Variants in CECR2 observed in about 807,000 individuals in gnomAD.
CECR2 encodes chromatin remodeling regulator CECR2.
In CECR2, 30 loss-of-function variants were observed where a neutral mutation model predicts 154.5. That is an observed-to-expected ratio of 0.19 (90% CI 0.15 to 0.26). CECR2 has a LOEUF of 0.26. Ranked by LOEUF, CECR2 falls within the 10% of genes least tolerant of loss-of-function variation. The pLI is 1.00. For missense variants in CECR2, 1,743 were observed against 1,829.3 expected (o/e 0.95, Z 0.86); for synonymous variants, 725 against 683.7 (o/e 1.06, Z -0.94).
chr22:17,385,314 C>T (rs1248355502), intron 1 of CECR2, among the ~76,000 whole-genome samples: 1 of 152,200 alleles, frequency 6.6e-6, no homozygotes, highest in African/African-American at 2.4e-5. Flanking sequence ...TTCAGCACGC[C>T]TTCTTCATGA....
At position 17,542,621 on chromosome 22, in the gene CECR2, A is replaced by G. The variant is rs768824476; in HGVS notation, c.2478A>G (p.Gln826=). Residue 826 remains glutamine, a synonymous_variant, in exon 16 of 19, where the codon CAA becomes CAG. Transcript: ENST00000262608. The stretch of plus-strand genomic sequence containing the variant: ...TCCCCCCCAACCAGTGGACTGAACA[A>G]TCAGGCTTCCTACCTCATGGAGTTC... ...PPVPPNQWTE[Q]SGFLPHGVPS... 18 of 1,613,846 alleles carry G rather than the reference A, an allele frequency of 1.1e-5. No individual in the cohort carries two copies. The South Asian group carries it at 1.8e-4, about 16-fold the overall frequency.
intron 1 of CECR2, among the ~76,000 whole-genome samples, chr22:17,386,850 C>T (rs745437570): frequency 1.3e-5 from 2 of 152,068 alleles, no homozygotes; most frequent in Non-Finnish European, 2.9e-5. Flanking sequence ...AGGGTTTCAT[C>T]ATATTGGTCA....
intron 14 of CECR2, among the ~76,000 whole-genome samples, 195 bp downstream of exon 14, chr22:17,540,995 G>T (rs544570171): frequency 4.4e-4 from 67 of 152,218 alleles, no homozygotes; most frequent in African/African-American, 1.6e-3. Context: ...TGTTGCCTAG[G>T]CTGGTCTCAA....
chr22:17,468,093 A>T (rs1461186194), intron 1 of CECR2, among the ~76,000 whole-genome samples: 1 of 152,222 alleles, frequency 6.6e-6, no homozygotes, highest in Non-Finnish European at 1.5e-5. Flanking sequence ...AGGTACTTAA[A>T]ATACAAAAGG....
chr22:17,361,663 C>G (rs959553571), intron 1 of CECR2, among the ~76,000 whole-genome samples: 2 of 151,220 alleles, frequency 1.3e-5, no homozygotes, highest in Admixed American at 6.6e-5. Flanking sequence ...CACTTGAACC[C>G]GGGGGCTGGG....
intron 1 of CECR2, among the ~76,000 whole-genome samples, chr22:17,426,909 A>T (rs560613586): frequency 1.3e-5 from 2 of 150,876 alleles, no homozygotes; most frequent in South Asian, 2.1e-4. Flanking sequence ...GCACATGTGC[A>T]CAACATGCAG....
At chr22:17,471,628 C>T (rs963683564) in intron 1 of CECR2, among the ~76,000 whole-genome samples, 4 of 150,614 alleles carry the variant, frequency 2.7e-5, no homozygotes, top group Admixed American at 1.3e-4. Flanking sequence ...CTCTGCCTCC[C>T]GGGTTCAGGC....
upstream of CECR2, among the ~76,000 whole-genome samples, chr22:17,366,388 C>T (rs1245153761): frequency 6.6e-6 from 1 of 152,148 alleles, no homozygotes. Context: ...GGAGTTTCAC[C>T]ATGTTGGCTA....
At chr22:17,510,350 A>T (rs772070876) in intron 7 of CECR2, among the ~76,000 whole-genome samples, 3 of 152,056 alleles carry the variant, frequency 2.0e-5, no homozygotes, top group Admixed American at 2.0e-4. Flanking sequence ...AATAATCGCT[A>T]TCTCAGTGCT....
At chr22:17,502,790 A>G (rs970829511) in intron 5 of CECR2, among the ~76,000 whole-genome samples, 1 of 152,210 alleles carries the variant, frequency 6.6e-6, no homozygotes, top group Non-Finnish European at 1.5e-5. Flanking sequence ...GTGACAGGGC[A>G]AGACTCCGTC....
intron 16 of CECR2, among the ~76,000 whole-genome samples, chr22:17,546,672 T>C (rs1424000177): frequency 2.6e-5 from 4 of 152,110 alleles, no homozygotes; most frequent in Non-Finnish European, 5.9e-5. Context: ...ATCTCTAACC[T>C]TGTGCTTCAG....
At chr22:17,532,697 A>ATTTT (rs1158636788) in intron 9 of CECR2, among the ~76,000 whole-genome samples, 4 of 29,358 alleles carry the variant, frequency 1.4e-4, no homozygotes, top group Non-Finnish European at 2.9e-4. Flanking sequence ...ATTCATTATT[A>ATTTT]TTCTTTTTTT....
chr22:17,482,894 G>GATGGA (rs1228749209), intron 2 of CECR2, among the ~76,000 whole-genome samples: 1 of 151,942 alleles, frequency 6.6e-6, no homozygotes, highest in Non-Finnish European at 1.5e-5. Context: ...CATTAGCCAG[G>GATGGA]ATGGTCTCGA....
rs2056766490 is a variant in CECR2 at position 17,555,796 on chromosome 22, CGGCTCTCAGTGGTCCCCA to C, written c.*2959_*2976del. 6.6e-6 allele frequency: 1 copy of C among 152,034 alleles called. No homozygotes were observed. Among genetic ancestry groups the C allele is most frequent in the Admixed American group, 6.6e-5 (1 of 15,252 alleles). 9.4% of individuals were successfully genotyped at this position (152,034 alleles called of 1,614,324 possible). ...GGTCACTGTCACCTTGTCAGCGTGC[CGGCTCTCAGTGGTCCCCA>C]GGAGGATGGGGATAGCTGAGATCGT... On this transcript the variant is annotated 3_prime_UTR_variant, in exon 19 of 19. Transcript: ENST00000262608.
chr22:17,433,109 C>A (rs1479069691), intron 1 of CECR2, among the ~76,000 whole-genome samples: 2 of 152,142 alleles, frequency 1.3e-5, no homozygotes, highest in African/African-American at 4.8e-5. Context: ...TCGCTTATAT[C>A]GTTGGCAAAC....
intron 9 of CECR2, 43 bp from the exon 10 acceptor site, chr22:17,537,060 T>A: frequency 6.2e-7 from 1 of 1,608,206 alleles, no homozygotes; most frequent in Non-Finnish European, 8.5e-7. Flanking sequence ...CATGTCAGTG[T>A]CTGGAGTGTG....
chr22:17,443,420 T>C (rs531524400), intron 1 of CECR2, among the ~76,000 whole-genome samples: 1 of 152,076 alleles, frequency 6.6e-6, no homozygotes, highest in African/African-American at 2.4e-5. Flanking sequence ...AAGGGCAGAA[T>C]CCCTTTAAGC....
chr22:17,511,121 G>GA (rs1555922779), intron 7 of CECR2, among the ~76,000 whole-genome samples: 2 of 152,176 alleles, frequency 1.3e-5, no homozygotes, highest in Non-Finnish European at 2.9e-5. Flanking sequence ...GCCTTTGCTT[G>GA]TTACCTTTTA....
In CECR2 at chr22:17,549,329, C is replaced by T; in HGVS notation, c.4042C>T (p.Pro1348Ser). ...PHSVMLQTGPPYTPQRPASHF... is the reference protein window; with the variant it reads ...PHSVMLQTGPSYTPQRPASHF... Reference sequence around the variant, plus strand: ...CAGTGTGATGCTGCAGACGGGGCCTCCCTATACCCCTCAGCGGCCGGCCAG... The same window carrying T: ...CAGTGTGATGCTGCAGACGGGGCCTTCCTATACCCCTCAGCGGCCGGCCAG... The change falls in exon 17 of 19, where the codon CCC becomes TCC. Residue 1348 changes from proline (P) to serine (S), a missense_variant. Pro to Ser is a moderately conservative substitution (Grantham distance 74, BLOSUM62 -1). Coordinates refer to ENST00000262608, the MANE Select transcript of CECR2 (RefSeq NM_001290047.2). The T allele has an allele frequency of 6.2e-7, 1 of 1,613,996 alleles. No homozygotes were observed.
Sources: allele counts gnomAD v4.1 joint callset (sites outside exome capture counted in the v4.1 genomes callset), GRCh38; gene constraint gnomAD v4.1.1; transcripts MANE v1.5; gene names NCBI Gene and HGNC (gene_info 2026-07-23, HGNC 2026-07-21).